Variants in RIMBP2 observed in about 807,000 individuals in gnomAD.
RIMBP2 encodes the protein RIMS-binding protein 2.
RIMBP2 carries 48 observed loss-of-function variants against 118.6 expected under a neutral mutation model. The observed-to-expected ratio is 0.40, with a 90% CI of 0.32 to 0.51. RIMBP2 has a LOEUF of 0.51. RIMBP2 is among the 20% of genes least tolerant of loss of function. The probability of loss-of-function intolerance (pLI) is 0.41; values close to 1 mark genes in which losing one functional copy is unlikely to be tolerated. For synonymous variants in RIMBP2, 762 were observed against 742.9 expected (o/e 1.03, Z -0.42); for missense variants, 1,551 against 1,768.3 (o/e 0.88, Z 2.20).
At chr12:130,568,944 A>G (rs1284554358) in intron 2 of RIMBP2, among the ~76,000 whole-genome samples, 1 of 152,136 alleles carries the variant, frequency 6.6e-6, no homozygotes, top group Non-Finnish European at 1.5e-5. Context: ...CTCCTCACAC[A>G]GCCATTGTAA....
chr12:130,407,732 A>G lies in RIMBP2; in HGVS notation c.3687T>C (p.Asp1229=), dbSNP rs759396970. 6.2e-7 allele frequency: 1 copy of G among 1,613,498 alleles called. No individual in the cohort carries two copies. The highest frequency in any genetic ancestry group is 8.5e-7 in the Non-Finnish European group (1 of 1,179,474). Residue 1229 remains aspartate (D), a synonymous_variant, in exon 20 of 23, where the codon GAT becomes GAC. Transcript: ENST00000690449. ...YDPRESSPNV[D]VEAELTFCTG... is the part of the protein sequence containing the mutation. The stretch of plus-strand genomic sequence containing the variant: ...TGCAGTGTTTGGCTGGTACCTCGAC[A>G]TCGACGTTGGGCGAGCTTTCTCTGG...
At chr12:130,694,685 G>A (rs190971208) in intron 1 of RIMBP2, among the ~76,000 whole-genome samples, 9 of 152,274 alleles carry the variant, frequency 5.9e-5, no homozygotes, top group East Asian at 3.9e-4. Flanking sequence ...TCCCCACTGC[G>A]GCAACTTTCC....
intron 6 of RIMBP2, 99 bp downstream of exon 6, chr12:130,470,594 C>G: frequency 1.6e-6 from 1 of 608,936 alleles, no homozygotes; most frequent in Non-Finnish European, 2.4e-6. Flanking sequence ...GTGCACCAGG[C>G]GCACTTCATA....
chr12:130,527,040 A>C (rs1406089577), intron 2 of RIMBP2, among the ~76,000 whole-genome samples: 1 of 151,662 alleles, frequency 6.6e-6, no homozygotes, highest in Non-Finnish European at 1.5e-5. Flanking sequence ...ACTGAGCCCT[A>C]CTCCCGCCCG....
chr12:130,601,764 TG>T (rs2059895562), intron 2 of RIMBP2, among the ~76,000 whole-genome samples: 1 of 152,250 alleles, frequency 6.6e-6, no homozygotes, highest in Admixed American at 6.5e-5. Context: ...CAGGAGAATT[TG>T]ATCCTATTGC....
chr12:130,399,154 C>T (rs1385849839), intron 22 of RIMBP2: 1 of 1,392,660 alleles, frequency 7.2e-7, no homozygotes, highest in Non-Finnish European at 9.4e-7. Flanking sequence ...GAAATGAACA[C>T]TCTTCTTCTG....
At chr12:130,476,407 G>C (rs1162872704) in intron 5 of RIMBP2, among the ~76,000 whole-genome samples, 2 of 152,170 alleles carry the variant, frequency 1.3e-5, no homozygotes, top group Non-Finnish European at 2.9e-5. Flanking sequence ...TTCTATCTTG[G>C]TAGGGGGATG....
At chr12:130,490,983 T>C (rs766642229) in intron 4 of RIMBP2, among the ~76,000 whole-genome samples, 2 of 152,166 alleles carry the variant, frequency 1.3e-5, no homozygotes, top group Non-Finnish European at 2.9e-5. Context: ...AAACCCACGT[T>C]AGTGTTTATC....
At chr12:130,423,871 T>C (rs1409007065) in intron 16 of RIMBP2, among the ~76,000 whole-genome samples, 1 of 152,144 alleles carries the variant, frequency 6.6e-6, no homozygotes, top group East Asian at 1.9e-4. Context: ...AATTAAAATT[T>C]AGATTCAGTT....
chr12:130,431,423 G>T lies in RIMBP2; in HGVS notation c.2254-3086C>A. 2.4e-6 allele frequency: 1 copy of T among 415,216 alleles called. No individual in the cohort carries two copies. The highest frequency in any genetic ancestry group is 1.8e-5 in the South Asian group (1 of 56,848). The allele number at this position is 415,216 out of a possible 1,614,324, so 25.7% of individuals were successfully genotyped here. A position where few individuals can be genotyped will look rare whatever the true frequency, so the allele number is the denominator to read the frequency against. Reference sequence around the variant, plus strand: ...TTCAGTCACTCCCTACCACTGTCATGATGCGTCACCTAGCCAGACGCCATC... The same window carrying T: ...TTCAGTCACTCCCTACCACTGTCATTATGCGTCACCTAGCCAGACGCCATC... On this transcript the variant is annotated intron_variant, in intron 14 of 22. Transcript: ENST00000690449. The surrounding 1 kb of genome is among the most constrained non-coding windows in gnomAD (Gnocchi z 4.0).
At chr12:130,492,420 T>C (rs1033841258) in intron 4 of RIMBP2, among the ~76,000 whole-genome samples, 2 of 151,792 alleles carry the variant, frequency 1.3e-5, no homozygotes, top group African/African-American at 4.8e-5. Context: ...AATGGATCCT[T>C]AGGAGTTCCT....
Position 130,428,179 on chromosome 12 carries a change from C to T in RIMBP2, c.2412G>A (p.Lys804=). The change falls in exon 15 of 23, where the codon AAG becomes AAA. Residue 804 remains lysine (K), a splice_region_variant and synonymous_variant. Transcript: ENST00000690449. Reference sequence around the variant, plus strand: ...GGGTCCCCCTTCCCCAGCCACTCACCTTGAGGGCATTGTGGGACGTGCCGC... The same window carrying T: ...GGGTCCCCCTTCCCCAGCCACTCACTTTGAGGGCATTGTGGGACGTGCCGC... ...RPSGTSHNAL[K]DCTDHRTSEG... is the part of the protein sequence containing the mutation. 2 of 1,604,926 alleles carry T rather than the reference C, an allele frequency of 1.2e-6. No homozygotes were observed. Among genetic ancestry groups the T allele is most frequent in the Non-Finnish European group, 1.7e-6 (2 of 1,175,640 alleles).
At chr12:130,705,643 T>C (rs2066072841) in intron 1 of RIMBP2, among the ~76,000 whole-genome samples, 1 of 152,254 alleles carries the variant, frequency 6.6e-6, no homozygotes, top group Non-Finnish European at 1.5e-5. Flanking sequence ...TGCACACCGC[T>C]TTCCTGCTCT....
chr12:130,478,594 G>A (rs1270156818), intron 5 of RIMBP2, among the ~76,000 whole-genome samples: 1 of 152,198 alleles, frequency 6.6e-6, no homozygotes, highest in Non-Finnish European at 1.5e-5. Flanking sequence ...AACGGATGCT[G>A]CACACTGCTT....
At chr12:130,677,435 C>G (rs970961807) in intron 1 of RIMBP2, among the ~76,000 whole-genome samples, 1 of 152,102 alleles carries the variant, frequency 6.6e-6, no homozygotes, top group Non-Finnish European at 1.5e-5. Flanking sequence ...CGAGACCAGC[C>G]TGGCCAACAT....
At chr12:130,416,621 C>T (rs967191329) in intron 17 of RIMBP2, among the ~76,000 whole-genome samples, 5 of 152,196 alleles carry the variant, frequency 3.3e-5, no homozygotes, top group African/African-American at 1.2e-4. Context: ...TACACAAATA[C>T]TGCAAGAAAA....
intron 17 of RIMBP2, among the ~76,000 whole-genome samples, chr12:130,417,539 A>G (rs1199955346): frequency 2.0e-5 from 3 of 152,210 alleles, no homozygotes; most frequent in Non-Finnish European, 4.4e-5. Flanking sequence ...CCACATAGAC[A>G]CGAAGATGGG....
intron 2 of RIMBP2, among the ~76,000 whole-genome samples, chr12:130,613,604 G>A (rs954263887): frequency 9.2e-5 from 14 of 151,954 alleles, no homozygotes; most frequent in African/African-American, 3.1e-4. Context: ...TTACATGGTC[G>A]GGAGATGAAG....
rs377426583 is a variant in RIMBP2 at position 130,518,888 on chromosome 12, T to G, written c.-216-971A>C. Among the ~76,000 whole-genome samples the G allele has an allele frequency of 7.9e-5, 12 of 152,194 alleles. No individual in the cohort carries two copies. The South Asian group carries it at 2.5e-3, about 32-fold the overall frequency. ...CATAAACTTAATAATCAGGATAAAT[T>G]TACTCCAGAGGAAATAAAAATAATA... On this transcript the variant is annotated intron_variant, in intron 2 of 22. Coordinates refer to ENST00000690449, the MANE Select transcript of RIMBP2 (RefSeq NM_001393629.1).
Sources: allele counts gnomAD v4.1 joint callset (sites outside exome capture counted in the v4.1 genomes callset), GRCh38; gene constraint gnomAD v4.1.1; non-coding constraint Gnocchi (gnomAD v3.1); transcripts MANE v1.5; gene names NCBI Gene and HGNC (gene_info 2026-07-23, HGNC 2026-07-21).